PDE4D: variants seen among roughly 807,000 people sequenced by gnomAD.
The protein encoded by PDE4D is 3',5'-cyclic-AMP phosphodiesterase 4D.
PDE4D carries 24 observed loss-of-function variants against 87.4 expected under a neutral mutation model. The ratio of observed to expected loss-of-function variants is 0.27; its 90% CI spans 0.20 to 0.39. The LOEUF (loss-of-function observed/expected upper bound fraction) is 0.39. Ranked by LOEUF, PDE4D falls within the 10% of genes least tolerant of loss-of-function variation. The pLI is 1.00. For synonymous variants in PDE4D, 384 were observed against 383.2 expected (o/e 1.00, Z -0.02); for missense variants, 714 against 1,041.0 (o/e 0.69, Z 4.32).
chr5:59,838,203 A>G (rs1172632754), intron 1 of PDE4D, among the ~76,000 whole-genome samples: 1 of 152,026 alleles, frequency 6.6e-6, no homozygotes, highest in African/African-American at 2.4e-5. Context: ...CCTGCTTACT[A>G]CACCTCCTTC....
At chr5:59,725,853 G>T (rs771713921) in intron 1 of PDE4D, among the ~76,000 whole-genome samples, 1 of 151,848 alleles carries the variant, frequency 6.6e-6, no homozygotes. Context: ...AACAGATAAG[G>T]TCCCTAAAAG....
At chr5:59,267,641 A>G (rs1393145310) in intron 1 of PDE4D, among the ~76,000 whole-genome samples, 1 of 152,136 alleles carries the variant, frequency 6.6e-6, no homozygotes, top group Non-Finnish European at 1.5e-5. Flanking sequence ...TGGTTTATCT[A>G]TTGATTCACT....
intron 1 of PDE4D, among the ~76,000 whole-genome samples, chr5:59,640,324 C>G (rs1357860408): frequency 1.3e-5 from 2 of 152,210 alleles, no homozygotes; most frequent in East Asian, 3.9e-4. Context: ...CTTTCAGACT[C>G]TGGAGCCGGA....
chr5:60,370,001 A>C (rs1228709495), intron 1 of PDE4D, among the ~76,000 whole-genome samples: 1 of 152,198 alleles, frequency 6.6e-6, no homozygotes, highest in African/African-American at 2.4e-5. Flanking sequence ...CATTCCTAGC[A>C]TTAGTTTCAT....
intron 1 of PDE4D, among the ~76,000 whole-genome samples, chr5:59,825,911 C>G (rs1224029815): frequency 6.6e-6 from 1 of 152,150 alleles, no homozygotes; most frequent in Non-Finnish European, 1.5e-5. Flanking sequence ...TCTCACCCAT[C>G]CAGTCTACTG....
chr5:59,633,104 T>C lies in PDE4D; in HGVS notation c.455+260064A>G, dbSNP rs572781760. Among the ~76,000 whole-genome samples, 27 of 152,090 alleles carry C rather than the reference T, an allele frequency of 1.8e-4. 1 individual carries two copies. Among genetic ancestry groups the C allele is most frequent in the Admixed American group, 1.6e-3 (24 of 15,284 alleles). On this transcript the variant is annotated intron_variant, in intron 1 of 14. Coordinates refer to ENST00000340635, the MANE Select transcript of PDE4D (RefSeq NM_001104631.2). Reference sequence around the variant, plus strand: ...ATCGTGAAGCTTACCACAGTATCAATAGCCAAACTGATCAAGTGGAAGAAA... The same window carrying C: ...ATCGTGAAGCTTACCACAGTATCAACAGCCAAACTGATCAAGTGGAAGAAA...
chr5:59,412,964 A>G (rs545167445), intron 1 of PDE4D, among the ~76,000 whole-genome samples: 16 of 150,518 alleles, frequency 1.1e-4, no homozygotes, highest in South Asian at 6.3e-4. Context: ...TAGATATGAA[A>G]TCAGCCAAAT....
intron 1 of PDE4D, among the ~76,000 whole-genome samples, chr5:59,243,627 T>A (rs1758168115): frequency 6.6e-6 from 1 of 151,672 alleles, no homozygotes; most frequent in African/African-American, 2.4e-5. Context: ...GCCCAGCTGA[T>A]TTTTGTATTT....
intron 1 of PDE4D, among the ~76,000 whole-genome samples, chr5:59,287,612 C>A (rs1384834710): frequency 6.6e-6 from 1 of 151,912 alleles, no homozygotes; most frequent in South Asian, 2.1e-4. Context: ...TGGGCAAGAC[C>A]CAGTGCTATG....
At chr5:60,349,430 T>G (rs1019092016) in intron 1 of PDE4D, among the ~76,000 whole-genome samples, 6 of 152,160 alleles carry the variant, frequency 3.9e-5, no homozygotes, top group African/African-American at 1.4e-4. Context: ...AGGTAGCAAA[T>G]ACTTTTTATT....
At chr5:59,730,716 T>C (rs1757253423) in intron 1 of PDE4D, among the ~76,000 whole-genome samples, 1 of 152,164 alleles carries the variant, frequency 6.6e-6, no homozygotes, top group African/African-American at 2.4e-5. Flanking sequence ...ACAGAATCAC[T>C]TTAAAGAACA....
chr5:59,914,869 GTGTGTGTGTGT>G (rs1561855580), intron 3 of PDE4D, among the ~76,000 whole-genome samples: 92 of 49,648 alleles, frequency 1.9e-3, no homozygotes, highest in Middle Eastern at 0.012. Flanking sequence ...TGATAGGGGT[GTGTGTGTGTGT>G]GTGTGTGTGT....
chr5:60,052,377 G>T (rs1770273456), intron 2 of PDE4D, among the ~76,000 whole-genome samples: 5 of 152,142 alleles, frequency 3.3e-5, no homozygotes, highest in Admixed American at 1.3e-4. Context: ...TACAAGGCTG[G>T]TTCAACATAT....
intron 1 of PDE4D, among the ~76,000 whole-genome samples, chr5:59,808,762 A>G (rs1193105618): frequency 6.6e-6 from 1 of 152,184 alleles, no homozygotes; most frequent in Non-Finnish European, 1.5e-5. Context: ...ATATAACCCC[A>G]GCTTATTGAA....
intron 3 of PDE4D, among the ~76,000 whole-genome samples, chr5:59,982,835 A>T (rs1468264693): frequency 6.6e-6 from 1 of 152,216 alleles, no homozygotes; most frequent in Non-Finnish European, 1.5e-5. Context: ...GTATCTCTGA[A>T]GCCAATTCCA....
At chr5:59,316,997 T>A (rs1328633993) in intron 1 of PDE4D, among the ~76,000 whole-genome samples, 2 of 152,172 alleles carry the variant, frequency 1.3e-5, no homozygotes, top group Non-Finnish European at 2.9e-5. Context: ...GGCTGTGGTC[T>A]CTCCAGAGGT....
intron 1 of PDE4D, among the ~76,000 whole-genome samples, chr5:59,839,796 G>A (rs1581362246): frequency 6.6e-6 from 1 of 151,994 alleles, no homozygotes; most frequent in Admixed American, 6.6e-5. Flanking sequence ...GGATAGCATG[G>A]CTTCCACAAA....
intron 2 of PDE4D, among the ~76,000 whole-genome samples, chr5:60,065,731 C>T (rs1449641926): frequency 2.0e-5 from 3 of 151,812 alleles, no homozygotes; most frequent in African/African-American, 7.3e-5. Flanking sequence ...ATGATGGTTT[C>T]GTTTCATCCA....
At chr5:59,974,611 C>T (rs1437058290) in intron 3 of PDE4D, among the ~76,000 whole-genome samples, 2 of 152,130 alleles carry the variant, frequency 1.3e-5, no homozygotes, top group Non-Finnish European at 2.9e-5. Context: ...TTCCAAAAGA[C>T]CTACTAGCTA....
Sources: allele counts gnomAD v4.1 joint callset (sites outside exome capture counted in the v4.1 genomes callset), GRCh38; gene constraint gnomAD v4.1.1; transcripts MANE v1.5; gene names NCBI Gene and HGNC (gene_info 2026-07-23, HGNC 2026-07-21).